The following VPS13B variants were observed in gnomAD, a reference collection of about 807,000 sequenced individuals.
The protein encoded by VPS13B is intermembrane lipid transfer protein VPS13B.
VPS13B carries 285 observed loss-of-function variants against 426.4 expected under a neutral mutation model. The ratio of observed to expected loss-of-function variants is 0.67; its 90% CI spans 0.61 to 0.74. The LOEUF is 0.74. Among genes scored for constraint, VPS13B ranks in the 30% least tolerant of loss-of-function variants. VPS13B has a pLI of 0.00. For synonymous variants in VPS13B, 1,676 were observed against 1,676.4 expected (o/e 1.00, Z 0.01); for missense variants, 4,537 against 4,782.6 (o/e 0.95, Z 1.51).
At chr8:99,590,883 G>C (rs1826618577) in intron 33 of VPS13B, among the ~76,000 whole-genome samples, 3 of 152,042 alleles carry the variant, frequency 2.0e-5, no homozygotes, top group Admixed American at 2.0e-4. Context: ...TCTGGTCCTG[G>C]ATATCCTCGT....
rs754518618 is a variant in VPS13B, at chr8:99,194,071, T to G, written c.2515+1014T>G. On this transcript the variant is annotated intron_variant, in intron 17 of 61. Transcript: ENST00000357162. Reference sequence around the variant, plus strand: ...TCACATGAGGTCAGGCGTGGAATTTTCTACTTGTATCATGTCAGTGCCCAA... The same window carrying G: ...TCACATGAGGTCAGGCGTGGAATTTGCTACTTGTATCATGTCAGTGCCCAA... Among the ~76,000 whole-genome samples the G allele has an allele frequency of 2.6e-5, 4 of 152,260 alleles. No homozygotes were observed. The East Asian group carries it at 7.7e-4, about 29-fold the overall frequency.
At chr8:99,028,661 G>C (rs1474411710) in intron 2 of VPS13B, among the ~76,000 whole-genome samples, 1 of 134,054 alleles carries the variant, frequency 7.5e-6, no homozygotes, top group Non-Finnish European at 1.6e-5. Context: ...TGGCTGGCCA[G>C]GTGGGGGGCT....
At chr8:99,503,407 A>G (rs1397234128) in intron 27 of VPS13B, among the ~76,000 whole-genome samples, 3 of 152,076 alleles carry the variant, frequency 2.0e-5, no homozygotes, top group Non-Finnish European at 2.9e-5. Context: ...AAATAAGTCA[A>G]TGATGTCATT....
chr8:99,286,301 C>A (rs183830402), intron 19 of VPS13B, among the ~76,000 whole-genome samples: 2 of 152,268 alleles, frequency 1.3e-5, no homozygotes, highest in East Asian at 3.9e-4. Flanking sequence ...AAAATGTAGT[C>A]TGGCTTCGGT....
chr8:99,476,619 T>A (rs997876216), intron 24 of VPS13B, among the ~76,000 whole-genome samples: 2 of 152,146 alleles, frequency 1.3e-5, no homozygotes, highest in Admixed American at 1.3e-4. Context: ...AACCAAGATT[T>A]GATTAACAGC....
At chr8:99,308,706 G>GGCT (rs1404380090) in intron 19 of VPS13B, among the ~76,000 whole-genome samples, 1 of 152,120 alleles carries the variant, frequency 6.6e-6, no homozygotes, top group Non-Finnish European at 1.5e-5. Context: ...GTAATGGGAT[G>GGCT]GCTGGGTCAA....
chr8:99,735,926 T>C (rs1017501776), intron 39 of VPS13B, among the ~76,000 whole-genome samples: 2 of 152,200 alleles, frequency 1.3e-5, no homozygotes, highest in Non-Finnish European at 2.9e-5. Flanking sequence ...CAGAGCACCA[T>C]GTAGAGCCCT....
At chr8:99,589,311 C>T (rs531402946) in intron 33 of VPS13B, among the ~76,000 whole-genome samples, 3 of 151,534 alleles carry the variant, frequency 2.0e-5, no homozygotes, top group South Asian at 4.2e-4. Flanking sequence ...CCCATTAACT[C>T]GTCATTTAGC....
At chr8:99,340,626 A>G (rs981890551) in intron 19 of VPS13B, 12 of 426,144 alleles carry the variant, frequency 2.8e-5, no homozygotes, top group Non-Finnish European at 4.6e-5. Context: ...TTCCCTTCAA[A>G]GCCAGTAAAT....
intron 3 of VPS13B, among the ~76,000 whole-genome samples, chr8:99,051,963 A>G (rs920607988): frequency 3.3e-4 from 50 of 152,218 alleles, no homozygotes; most frequent in Admixed American, 5.2e-4. Context: ...ATATACAATC[A>G]TGTCATCCAC....
chr8:99,492,515 G>A (rs972735591), intron 25 of VPS13B, among the ~76,000 whole-genome samples: 3 of 152,184 alleles, frequency 2.0e-5, no homozygotes, highest in Non-Finnish European at 4.4e-5. Flanking sequence ...AGTTGCGGTG[G>A]GCTCTGCCCA....
chr8:99,309,061 A>G (rs939967847), intron 19 of VPS13B, among the ~76,000 whole-genome samples: 2 of 151,958 alleles, frequency 1.3e-5, no homozygotes, highest in African/African-American at 2.4e-5. Context: ...GTTTGAATTC[A>G]TTGTAGATTC....
chr8:99,432,661 TTATCAA>T (rs1428547177), intron 22 of VPS13B, among the ~76,000 whole-genome samples: 1 of 152,180 alleles, frequency 6.6e-6, no homozygotes, highest in African/African-American at 2.4e-5. Flanking sequence ...AGATCTTTAT[TTATCAA>T]TATTCTTGTT....
chr8:99,053,412 G>A (rs1020783657), intron 3 of VPS13B, among the ~76,000 whole-genome samples: 6 of 151,848 alleles, frequency 4.0e-5, no homozygotes, highest in African/African-American at 7.3e-5. Context: ...TTGTCCTTGC[G>A]ATAGTTTGCT....
At chr8:99,774,121 T>G (rs915297899) in intron 40 of VPS13B, among the ~76,000 whole-genome samples, 3 of 152,204 alleles carry the variant, frequency 2.0e-5, no homozygotes, top group Admixed American at 1.3e-4. Context: ...TATCAAAAAC[T>G]ATAAATGTGC....
chr8:99,875,751 G>C lies in VPS13B; in HGVS notation c.*85G>C. ...AGGGTCTCACTGCATTGCCCTTGCT[G>C]ACCTCAAATTCTGGGGTTCAAGCAA... On this transcript the variant is annotated 3_prime_UTR_variant, in exon 62 of 62. Coordinates refer to ENST00000357162, the MANE Select transcript of VPS13B (RefSeq NM_152564.5). 6.4e-7 allele frequency: 1 copy of C among 1,574,362 alleles called. No homozygotes were observed. Among genetic ancestry groups the C allele is most frequent in the South Asian group, 1.1e-5 (1 of 88,766 alleles).
chr8:99,127,896 C>T lies in VPS13B; in HGVS notation c.1206+6451C>T, dbSNP rs898469194. Among the ~76,000 whole-genome samples the T allele has an allele frequency of 2.4e-4, 36 of 152,064 alleles. 1 individual carries two copies. Among genetic ancestry groups the T allele is most frequent in the Admixed American group, 2.1e-3 (32 of 15,280 alleles). ...TTATTTTTGTAAGTATCTTGAATGT[C>T]TGGCTTAGTAGAAGATAGCTGAATT... On this transcript the variant is annotated intron_variant, in intron 8 of 61. Transcript: ENST00000357162.
chr8:99,756,064 T>C (rs1384311246), intron 39 of VPS13B, among the ~76,000 whole-genome samples: 1 of 152,092 alleles, frequency 6.6e-6, no homozygotes, highest in African/African-American at 2.4e-5. Flanking sequence ...GTTTTAAATG[T>C]ATTCAAAGAA....
chr8:99,755,172 CTCTG>C (rs1401880871), intron 39 of VPS13B, among the ~76,000 whole-genome samples: 1 of 152,068 alleles, frequency 6.6e-6, no homozygotes, highest in Non-Finnish European at 1.5e-5. Flanking sequence ...GTACTCTCAC[CTCTG>C]TCTGTCCTTA....
Sources: gnomAD v4.1 joint callset for allele counts (sites outside exome capture counted in the v4.1 genomes callset) on GRCh38, gnomAD v4.1.1 for gene constraint, MANE v1.5 for transcripts, NCBI Gene and HGNC (gene_info 2026-07-23, HGNC 2026-07-21) for gene names.